The following GOLGA4 variants were observed in gnomAD, a reference collection of about 807,000 sequenced individuals.
GOLGA4 encodes the protein golgin subfamily A member 4.
In GOLGA4, 169 loss-of-function variants were observed where a neutral mutation model predicts 265.9. The observed-to-expected ratio is 0.64, with a 90% confidence interval of 0.56 to 0.72. The LOEUF is 0.72. Ranked by LOEUF, GOLGA4 falls within the 30% of genes least tolerant of loss-of-function variation. GOLGA4 has a pLI of 0.00. For missense variants in GOLGA4, 2,482 were observed against 2,483.4 expected (o/e 1.00, Z 0.01); for synonymous variants, 923 against 855.8 (o/e 1.08, Z -1.37).
intron 5 of GOLGA4, among the ~76,000 whole-genome samples, chr3:37,292,948 G>A (rs1219616361): frequency 2.0e-5 from 3 of 152,214 alleles, no homozygotes; most frequent in African/African-American, 7.2e-5. Context: ...CAATGTGGGT[G>A]TTGGGCAGAA....
intron 11 of GOLGA4, among the ~76,000 whole-genome samples, chr3:37,315,835 T>TG (rs2096936132): frequency 6.6e-6 from 1 of 152,234 alleles, no homozygotes; most frequent in Admixed American, 6.5e-5. Flanking sequence ...GAGATGTGCC[T>TG]TAACTGTTCT....
rs148103971 is a variant in GOLGA4, at chr3:37,323,668, G to A, written c.1782G>A (p.Leu594=). The A allele has an allele frequency of 8.9e-4, 1,424 of 1,599,314 alleles. 11 individuals carry two copies. The Middle Eastern group carries it at 0.015, about 17-fold the overall frequency. ...KNQSKDLAVH[L]EAEKNKHNKE... ...AGTCAAAAGATTTGGCTGTTCATCT[G>A]GAAGCTGAAAAAAATAAGCACAATA... Residue 594 remains leucine (L), a synonymous_variant, in exon 14 of 24, where the codon CTG becomes CTA. Transcript: ENST00000361924.
At chr3:37,318,098 A>G (rs1415713017) in intron 11 of GOLGA4, among the ~76,000 whole-genome samples, 2 of 151,962 alleles carry the variant, frequency 1.3e-5, no homozygotes, top group East Asian at 1.9e-4. Flanking sequence ...TCCAACTGAA[A>G]CTTATTTAGT....
chr3:37,251,512 A>G, intron 2 of GOLGA4, 28 bp downstream of exon 2: 2 of 1,338,434 alleles, frequency 1.5e-6, no homozygotes, highest in Admixed American at 1.7e-5. Flanking sequence ...TTTCTAGTAT[A>G]CCTCTCAAAA....
At chr3:37,303,276 T>C (rs1578592286) in intron 10 of GOLGA4, among the ~76,000 whole-genome samples, 1 of 152,054 alleles carries the variant, frequency 6.6e-6, no homozygotes, top group African/African-American at 2.4e-5. Flanking sequence ...AGAAAAGAAA[T>C]GAAATAGGAA....
chr3:37,342,841 T>A (rs181212787), intron 20 of GOLGA4, among the ~76,000 whole-genome samples: 1 of 152,218 alleles, frequency 6.6e-6, no homozygotes, highest in Non-Finnish European at 1.5e-5. Context: ...TAATTTCCAC[T>A]TCCATCAGCA....
chr3:37,366,335 A>G lies in GOLGA4; in HGVS notation c.*289A>G. On this transcript the variant is annotated 3_prime_UTR_variant, in exon 24 of 24. Coordinates refer to ENST00000361924, the MANE Select transcript of GOLGA4 (RefSeq NM_002078.5). ...TTTATGTTGTTTAAAAGATATTTTG[A>G]TAACTTAACCTGCTTTATGGGCTTA... is the stretch of plus-strand genomic sequence containing the variant. The G allele has an allele frequency of 7.4e-6, 3 of 406,720 alleles. No individual in the cohort carries two copies. Among genetic ancestry groups the G allele is most frequent in the East Asian group, 3.5e-5 (1 of 28,398 alleles). The allele number at this position is 406,720 out of a possible 1,614,324, so 25.2% of individuals were successfully genotyped here.
At chr3:37,292,961 G>A (rs1246258960) in intron 5 of GOLGA4, among the ~76,000 whole-genome samples, 1 of 152,216 alleles carries the variant, frequency 6.6e-6, no homozygotes, top group African/African-American at 2.4e-5. Context: ...GGGCAGAATA[G>A]AGGACACTTA....
At chr3:37,282,501 G>A (rs532045450) in intron 3 of GOLGA4, among the ~76,000 whole-genome samples, 1 of 152,296 alleles carries the variant, frequency 6.6e-6, no homozygotes, top group African/African-American at 2.4e-5. Context: ...GGAGAAGATT[G>A]TTGTCTGTAG....
At chr3:37,304,014 C>A (rs767047919) in intron 10 of GOLGA4, among the ~76,000 whole-genome samples, 28 of 152,048 alleles carry the variant, frequency 1.8e-4, no homozygotes, top group Non-Finnish European at 3.7e-4. Flanking sequence ...AAGATTTAAT[C>A]CAGGCATTGT....
In GOLGA4 at chr3:37,284,288, G is replaced by A. The variant is rs117043686; in HGVS notation, c.478-1726G>A. ...ACCATTTTTCTTTTTTTTGTGAGACGGAGTCTCACTCTGTAGCCCAGGGTG... is the reference window on the plus strand; with the variant it reads ...ACCATTTTTCTTTTTTTTGTGAGACAGAGTCTCACTCTGTAGCCCAGGGTG... On this transcript the variant is annotated intron_variant, in intron 3 of 23. Coordinates refer to ENST00000361924, the MANE Select transcript of GOLGA4 (RefSeq NM_002078.5). 6.3e-4 allele frequency among the ~76,000 whole-genome samples: 96 copies of A among 151,690 alleles called. 1 individual carries two copies. In the East Asian group the frequency reaches 0.015, roughly 23 times the overall value.
chr3:37,330,809 C>T (rs1412271817), intron 16 of GOLGA4, among the ~76,000 whole-genome samples: 2 of 151,984 alleles, frequency 1.3e-5, no homozygotes, highest in South Asian at 2.1e-4. Flanking sequence ...GGGTGGATCA[C>T]CTGAAGTCAG....
At chr3:37,304,987 C>T (rs749891290) in intron 10 of GOLGA4, among the ~76,000 whole-genome samples, 30 of 152,228 alleles carry the variant, frequency 2.0e-4, no homozygotes, top group Admixed American at 3.9e-4. Flanking sequence ...GGCACAATCT[C>T]GGCTCACTGC....
At chr3:37,243,738 A>C (rs868802219) in intron 1 of GOLGA4, 116 bp downstream of exon 1, 1 of 815,666 alleles carries the variant, frequency 1.2e-6, no homozygotes, top group Non-Finnish European at 2.0e-6. Context: ...CCTAACCCGC[A>C]CTTTTCCCAA....
rs1482510898 is a variant in GOLGA4 at position 37,282,111 on chromosome 3, G to A, written c.316G>A (p.Asp106Asn). ...TSSRESLNRLDLDSSTASFDP... is the reference protein window; with the variant it reads ...TSSRESLNRLNLDSSTASFDP... ...TTCCAGAGAATCCCTGAATCGACTT[G>A]ACCTGGACAGTTCTACTGCCAGTTT... is the stretch of plus-strand genomic sequence containing the variant. Residue 106 changes from aspartate to asparagine, a missense_variant, in exon 3 of 24, where the codon GAC becomes AAC. By Grantham distance (23) the Asp-to-Asn change is conservative. This residue lies in a region of GOLGA4 where 1,536 missense variants were observed against 1,483.7 expected (regional missense o/e 1.04). Coordinates refer to ENST00000361924, the MANE Select transcript of GOLGA4 (RefSeq NM_002078.5). 1 of 1,614,054 alleles carries A rather than the reference G, an allele frequency of 6.2e-7. No homozygotes were observed. Among genetic ancestry groups the A allele is most frequent in the Non-Finnish European group, 8.5e-7 (1 of 1,180,016 alleles).
chr3:37,257,984 TGTATGTATATATGTATATATACATAC>T (rs2096756096), intron 2 of GOLGA4, among the ~76,000 whole-genome samples: 2 of 102,668 alleles, frequency 1.9e-5, no homozygotes, highest in African/African-American at 9.2e-5. Flanking sequence ...CATATATATA[TGTATGTATATATGTATATATACATAC>T]ATATATATAT....
Position 37,255,908 on chromosome 3 carries a change from G to A in GOLGA4, c.162+4424G>A, listed in dbSNP as rs562365224. Reference sequence around the variant, plus strand: ...GCTGGGATTACAGGCATGAGTCACCGCACAGGGCCAAACAAACAAACAAAC... The same window carrying A: ...GCTGGGATTACAGGCATGAGTCACCACACAGGGCCAAACAAACAAACAAAC... On this transcript the variant is annotated intron_variant, in intron 2 of 23. Transcript: ENST00000361924. 4.6e-5 allele frequency among the ~76,000 whole-genome samples: 7 copies of A among 152,034 alleles called. No homozygotes were observed. The East Asian group carries it at 5.8e-4, about 13-fold the overall frequency.
In GOLGA4 at chr3:37,283,057, GTTAATT is replaced by G. The variant is rs538936626; in HGVS notation, c.477+792_477+797del. ...TTATGGTTTGCAAATCACCATTGTA[GTTAATT>G]TTAATTAATGAATACTAAAGTTCAG... On this transcript the variant is annotated intron_variant, in intron 3 of 23. Coordinates refer to ENST00000361924, the MANE Select transcript of GOLGA4 (RefSeq NM_002078.5). Among the ~76,000 whole-genome samples the G allele has an allele frequency of 3.8e-3, 574 of 152,216 alleles. 3 individuals are homozygous for G. The highest frequency in any genetic ancestry group is 0.012 in the African/African-American group (518 of 41,526).
chr3:37,309,340 G>T (rs1387922619), intron 10 of GOLGA4, among the ~76,000 whole-genome samples: 1 of 151,958 alleles, frequency 6.6e-6, no homozygotes, highest in Non-Finnish European at 1.5e-5. Context: ...CGGATTACCT[G>T]AGGTCAGGAG....
Sources: allele counts gnomAD v4.1 joint callset (sites outside exome capture counted in the v4.1 genomes callset), GRCh38; gene constraint gnomAD v4.1.1; regional missense constraint gnomAD v4.1.1; transcripts MANE v1.5; gene names NCBI Gene and HGNC (gene_info 2026-07-23, HGNC 2026-07-21).